Variants in KDM4A observed in about 807,000 individuals in gnomAD.
The protein encoded by KDM4A is lysine demethylase 4A.
KDM4A carries 23 observed loss-of-function variants against 127.1 expected under a neutral mutation model. The observed-to-expected ratio is 0.18, with a 90% CI of 0.13 to 0.26. The LOEUF (loss-of-function observed/expected upper bound fraction) is 0.26. KDM4A is among the 10% of genes least tolerant of loss of function. The probability of loss-of-function intolerance (pLI) is 1.00; values close to 1 mark genes in which losing one functional copy is unlikely to be tolerated. For missense variants in KDM4A, 890 were observed against 1,329.1 expected (o/e 0.67, Z 5.14); for synonymous variants, 443 against 466.5 (o/e 0.95, Z 0.65).
intron 5 of KDM4A, among the ~76,000 whole-genome samples, chr1:43,663,924 G>C (rs972637610): frequency 3.3e-4 from 50 of 152,240 alleles, no homozygotes; most frequent in African/African-American, 1.1e-3. Context: ...ATGAGCCACT[G>C]TACCCGGCCC....
At chr1:43,687,344 A>T (rs1172983684) in intron 12 of KDM4A, among the ~76,000 whole-genome samples, 4 of 152,186 alleles carry the variant, frequency 2.6e-5, no homozygotes, top group Non-Finnish European at 5.9e-5. Flanking sequence ...TACAGACCAG[A>T]GCTTTCCTTG....
Position 43,660,373 on chromosome 1 carries a change from A to T in KDM4A, c.390A>T (p.Pro130=), listed in dbSNP as rs1322272832. 11 of 1,611,966 alleles carry T rather than the reference A, an allele frequency of 6.8e-6. No individual in the cohort carries two copies. The highest frequency in any genetic ancestry group is 9.3e-6 in the Non-Finnish European group (11 of 1,178,818). ...KYWKNLTFNP[P]IYGADVNGTL... ...GGAAAAATCTTACATTCAATCCTCC[A>T]ATCTATGGTGCAGATGTGAATGGTA... is the stretch of plus-strand genomic sequence containing the variant. The change falls in exon 4 of 22, where the codon CCA becomes CCT. Residue 130 remains proline, a synonymous_variant. Coordinates refer to ENST00000372396, the MANE Select transcript of KDM4A (RefSeq NM_014663.3).
chr1:43,661,632 A>AAAAAAAAG (rs1660383734), intron 4 of KDM4A, among the ~76,000 whole-genome samples: 3 of 106,054 alleles, frequency 2.8e-5, no homozygotes, highest in Middle Eastern at 5.0e-3. Flanking sequence ...AAAAAAAAAA[A>AAAAAAAAG]AAAAAAAAGA....
intron 7 of KDM4A, 135 bp downstream of exon 7, chr1:43,666,690 A>G (rs920228620): frequency 4.0e-6 from 3 of 756,656 alleles, no homozygotes; most frequent in African/African-American, 1.8e-5. Context: ...CTTTGATCTA[A>G]GAGCATTAAA....
At chr1:43,696,961 A>G (rs1165585119) in intron 18 of KDM4A, among the ~76,000 whole-genome samples, 1 of 152,274 alleles carries the variant, frequency 6.6e-6, no homozygotes, top group Non-Finnish European at 1.5e-5. Flanking sequence ...TGAAGGACAC[A>G]TAGAAGCAAG....
At chr1:43,696,524 G>C (rs966607705) in intron 18 of KDM4A, among the ~76,000 whole-genome samples, 4 of 152,220 alleles carry the variant, frequency 2.6e-5, no homozygotes, top group Non-Finnish European at 5.9e-5. Context: ...TCAGGGGTAT[G>C]ATAGGAAGGA....
Position 43,671,729 on chromosome 1 carries a change from C to A in KDM4A, c.1588C>A (p.Pro530Thr). 1 of 1,613,894 alleles carries A rather than the reference C, an allele frequency of 6.2e-7. No individual in the cohort carries two copies. The highest frequency in any genetic ancestry group is 8.5e-7 in the Non-Finnish European group (1 of 1,179,864). Residue 530 changes from proline to threonine, a missense_variant, in exon 11 of 22, where the codon CCT becomes ACT. Physicochemically the swap from Pro to Thr is conservative, Grantham distance 38. Transcript: ENST00000372396. Reference protein sequence around the residue: ...SISSDSETSEPLSCRAQGQTG... With the variant: ...SISSDSETSETLSCRAQGQTG... The stretch of plus-strand genomic sequence containing the variant: ...CTCTTCTGATTCAGAAACTAGTGAG[C>A]CTCTCTCCTGCCGAGCCCAAGGGCA...
chr1:43,698,609 G>A (rs544975402), intron 19 of KDM4A, among the ~76,000 whole-genome samples: 21 of 152,140 alleles, frequency 1.4e-4, no homozygotes, highest in Middle Eastern at 3.2e-3. Flanking sequence ...TTTTCAGTTG[G>A]TAGACTGACC....
At chr1:43,672,175 A>C (rs1413848665) in intron 11 of KDM4A, among the ~76,000 whole-genome samples, 1 of 150,564 alleles carries the variant, frequency 6.6e-6, no homozygotes, top group East Asian at 1.9e-4. Flanking sequence ...TCCTCAGCCC[A>C]CTTGGATCAC....
intron 19 of KDM4A, among the ~76,000 whole-genome samples, chr1:43,700,591 T>G (rs1661364066): frequency 6.6e-6 from 1 of 152,168 alleles, no homozygotes; most frequent in South Asian, 2.1e-4. Context: ...ACTACAGGCA[T>G]GCATGGCTAT....
rs796850839 is a variant in KDM4A, at chr1:43,704,491, A to C, written c.*121A>C. The C allele has an allele frequency of 9.2e-7, 1 of 1,088,268 alleles. No homozygotes were observed. Among genetic ancestry groups the C allele is most frequent in the African/African-American group, 1.6e-5 (1 of 63,476 alleles). 67.4% of individuals were successfully genotyped at this position (1,088,268 alleles called of 1,614,324 possible). ...GAAGTTGTAAAAAGAAAAGGAATGA[A>C]ATAACCGACCCATCATCTTCTCACC... On this transcript the variant is annotated 3_prime_UTR_variant, in exon 22 of 22. Coordinates refer to ENST00000372396, the MANE Select transcript of KDM4A (RefSeq NM_014663.3).
intron 11 of KDM4A, among the ~76,000 whole-genome samples, chr1:43,672,820 T>G (rs1335230029): frequency 6.6e-6 from 1 of 152,212 alleles, no homozygotes; most frequent in Non-Finnish European, 1.5e-5. Context: ...GCAGGAACTC[T>G]TCCTCTGATC....
intron 13 of KDM4A, 126 bp downstream of exon 13, chr1:43,689,221 T>G: frequency 1.1e-6 from 1 of 919,354 alleles, no homozygotes. Flanking sequence ...CAGCATTCTC[T>G]GCCCCATCTG....
rs753383201 is a variant in KDM4A at position 43,667,065 on chromosome 1, A to AT, written c.891dup (p.Glu298Ter). On this transcript the variant is annotated frameshift_variant, in exon 8 of 22. Coordinates refer to ENST00000372396, the MANE Select transcript of KDM4A (RefSeq NM_014663.3). LOFTEE classifies it high-confidence loss of function. ...TACCAATTTTGCTACCCGTCGGTGGATTGAGTACGGCAAGCAAGCTGTGCT... is the reference window on the plus strand; with the variant it reads ...TACCAATTTTGCTACCCGTCGGTGGATTTGAGTACGGCAAGCAAGCTGTGCT... 1 of 1,614,162 alleles carries AT rather than the reference A, an allele frequency of 6.2e-7. No homozygotes were observed. The highest frequency in any genetic ancestry group is 1.7e-5 in the Admixed American group (1 of 60,016).
chr1:43,666,403 G>A (rs115819330), intron 6 of KDM4A, 49 bp from the exon 7 acceptor site: 57,089 of 1,450,248 alleles, frequency 0.039, 1,423 homozygotes, highest in Middle Eastern at 0.055. Context: ...CCAGGATTGC[G>A]GAGCTAGTGT....
chr1:43,652,566 C>A (rs1353159243), intron 1 of KDM4A, among the ~76,000 whole-genome samples: 1 of 151,744 alleles, frequency 6.6e-6, no homozygotes, highest in Non-Finnish European at 1.5e-5. Context: ...CCAGGCTGGT[C>A]TCAAACTCCT....
chr1:43,658,653 G>A (rs1203541253), intron 3 of KDM4A, among the ~76,000 whole-genome samples: 1 of 151,980 alleles, frequency 6.6e-6, no homozygotes, highest in African/African-American at 2.4e-5. Context: ...ATAGGCGCCC[G>A]CCACACCACC....
At chr1:43,700,925 A>T (rs2154049361) in intron 19 of KDM4A, among the ~76,000 whole-genome samples, 2 of 147,866 alleles carry the variant, frequency 1.4e-5, no homozygotes, top group South Asian at 4.2e-4. Flanking sequence ...TTATAAATTT[A>T]ATTTTTTTTT....
chr1:43,654,858 T>TG (rs1190990865), intron 2 of KDM4A, among the ~76,000 whole-genome samples: 1 of 152,082 alleles, frequency 6.6e-6, no homozygotes, highest in Non-Finnish European at 1.5e-5. Context: ...AGATTTTTTT[T>TG]GTTTTTTTTT....
Sources: gnomAD v4.1 joint callset for allele counts (sites outside exome capture counted in the v4.1 genomes callset) on GRCh38, gnomAD v4.1.1 for gene constraint, MANE v1.5 for transcripts, NCBI Gene and HGNC (gene_info 2026-07-23, HGNC 2026-07-21) for gene names.